The following LARGE1 variants were observed in gnomAD, a reference collection of about 807,000 sequenced individuals.
The protein encoded by LARGE1 is LARGE xylosyl- and glucuronyltransferase 1.
In LARGE1, 43 loss-of-function variants were observed where a neutral mutation model predicts 87.6. The observed-to-expected ratio is 0.49, with a 90% CI of 0.38 to 0.63. LARGE1 has a LOEUF of 0.63. Ranked by LOEUF, LARGE1 falls within the 30% of genes least tolerant of loss-of-function variation. LARGE1 has a pLI of 0.00. For missense variants in LARGE1, 802 were observed against 1,000.2 expected (o/e 0.80, Z 2.67); for synonymous variants, 434 against 394.6 (o/e 1.10, Z -1.18).
intron 3 of LARGE1, among the ~76,000 whole-genome samples, chr22:33,636,265 T>C (rs2080263270): frequency 6.6e-6 from 1 of 152,174 alleles, no homozygotes; most frequent in Non-Finnish European, 1.5e-5. Context: ...AACACCCCAA[T>C]ACTGATCCAT....
At chr22:33,669,700 C>T (rs1215641400) in intron 2 of LARGE1, among the ~76,000 whole-genome samples, 2 of 152,192 alleles carry the variant, frequency 1.3e-5, no homozygotes, top group African/African-American at 4.8e-5. Context: ...CCCAAGCCTC[C>T]ATCACCTCTA....
chr22:33,625,335 G>A (rs1015768763), intron 4 of LARGE1, among the ~76,000 whole-genome samples: 2 of 152,216 alleles, frequency 1.3e-5, no homozygotes, highest in African/African-American at 2.4e-5. Flanking sequence ...AAAGTTCCAT[G>A]AGAAAGCAGA....
Position 33,517,921 on chromosome 22 carries a change from G to A in LARGE1, c.787+46927C>T, listed in dbSNP as rs2071390363. Among the ~76,000 whole-genome samples, 4 of 152,240 alleles carry A rather than the reference G, an allele frequency of 2.6e-5. No individual in the cohort carries two copies. In the South Asian group the frequency reaches 8.3e-4, roughly 32 times the overall value. On this transcript the variant is annotated intron_variant, in intron 6 of 14. Coordinates refer to ENST00000397394, the MANE Select transcript of LARGE1 (RefSeq NM_133642.5). ...TCAGGCTACAAAGTCAGACAGCAGT[G>A]AGCAGGACTGGCCTGAAGATTATAA...
chr22:33,580,138 A>AG (rs752857926), intron 5 of LARGE1, among the ~76,000 whole-genome samples: 2 of 151,968 alleles, frequency 1.3e-5, no homozygotes, highest in African/African-American at 2.4e-5. Context: ...TGGGAGGCCA[A>AG]GGGGGGCAGA....
chr22:33,332,042 G>A (rs1280569376), intron 10 of LARGE1, among the ~76,000 whole-genome samples: 1 of 152,044 alleles, frequency 6.6e-6, no homozygotes, highest in African/African-American at 2.4e-5. Context: ...GTGACTGCAA[G>A]AGCCGAGCTT....
rs527915864 is a variant in LARGE1 at position 33,688,051 on chromosome 22, C to T, written c.107-37383G>A. Among the ~76,000 whole-genome samples, 12 of 152,258 alleles carry T rather than the reference C, an allele frequency of 7.9e-5. No individual in the cohort carries two copies. In the South Asian group the frequency reaches 1.0e-3, roughly 13 times the overall value. On this transcript the variant is annotated intron_variant, in intron 2 of 14. Transcript: ENST00000397394. ...AGGTGATGAAACTCATCCAAGATAA[C>T]GCAGCAAGTAAGTAACAATGTCAGG...
the LARGE1 span, among the ~76,000 whole-genome samples, chr22:33,093,822 C>CTTTT: frequency 4.0e-3 from 326 of 81,504 alleles, no homozygotes; most frequent in Non-Finnish European, 4.8e-3. Context: ...TTCTTTCTTT[C>CTTTT]TTTTTTTTTT....
chr22:33,703,106 T>C (rs914613168), intron 2 of LARGE1, among the ~76,000 whole-genome samples: 7 of 151,836 alleles, frequency 4.6e-5, no homozygotes, highest in African/African-American at 1.7e-4. Context: ...AAACCAAACA[T>C]CGCATGTTCT....
chr22:33,238,158 C>G (rs1163447590), intron 11 of LARGE1, among the ~76,000 whole-genome samples: 1 of 152,020 alleles, frequency 6.6e-6, no homozygotes, highest in Non-Finnish European at 1.5e-5. Context: ...ACAAATATAA[C>G]TTCAATTAAT....
At chr22:33,669,939 A>G (rs2149260634) in intron 2 of LARGE1, among the ~76,000 whole-genome samples, 1 of 152,354 alleles carries the variant, frequency 6.6e-6, no homozygotes, top group South Asian at 2.1e-4. Flanking sequence ...ATTATAATTC[A>G]TGAGGCCTTT....
chr22:33,376,180 G>T (rs2064986794), intron 9 of LARGE1, among the ~76,000 whole-genome samples: 1 of 151,958 alleles, frequency 6.6e-6, no homozygotes, highest in Admixed American at 6.6e-5. Flanking sequence ...TTCCCATATG[G>T]CTATGATTTA....
intron 2 of LARGE1, among the ~76,000 whole-genome samples, chr22:33,728,935 A>G (rs186415221): frequency 4.6e-5 from 7 of 152,244 alleles, no homozygotes; most frequent in Non-Finnish European, 5.9e-5. Context: ...CTTGTCTGAT[A>G]ATGTTTGTAA....
At chr22:33,438,483 A>G (rs1346404416) in intron 6 of LARGE1, among the ~76,000 whole-genome samples, 1 of 152,172 alleles carries the variant, frequency 6.6e-6, no homozygotes, top group Non-Finnish European at 1.5e-5. Flanking sequence ...TTATTCATAC[A>G]TCACTACTAA....
intron 11 of LARGE1, among the ~76,000 whole-genome samples, chr22:33,228,535 C>T (rs1925847884): frequency 6.6e-6 from 1 of 152,234 alleles, no homozygotes; most frequent in Non-Finnish European, 1.5e-5. Context: ...CCTCTAACAA[C>T]TTGGCAGGCT....
the LARGE1 span, among the ~76,000 whole-genome samples, chr22:33,075,424 G>A: frequency 6.6e-6 from 1 of 152,260 alleles, no homozygotes; most frequent in South Asian, 2.1e-4. Context: ...CAGTCACCTG[G>A]GCCTCATTTC....
At chr22:33,580,363 T>C (rs1255409717) in intron 5 of LARGE1, among the ~76,000 whole-genome samples, 1 of 148,290 alleles carries the variant, frequency 6.7e-6, no homozygotes, top group Non-Finnish European at 1.5e-5. Flanking sequence ...AGAATGAAAC[T>C]GTCACAAAAA....
intron 1 of LARGE1, among the ~76,000 whole-genome samples, chr22:33,801,136 G>A (rs1055580155): frequency 7.9e-5 from 12 of 152,106 alleles, no homozygotes; most frequent in Non-Finnish European, 1.3e-4. Flanking sequence ...TCTTGCCGCC[G>A]CCATGTAAGA....
chr22:33,699,240 G>A (rs1282727066), intron 2 of LARGE1, among the ~76,000 whole-genome samples: 1 of 152,186 alleles, frequency 6.6e-6, no homozygotes, highest in Non-Finnish European at 1.5e-5. Context: ...AGCAATCACT[G>A]GAGACCACAC....
the LARGE1 span, among the ~76,000 whole-genome samples, chr22:33,146,412 A>G: frequency 1.3e-5 from 2 of 152,290 alleles, no homozygotes; most frequent in South Asian, 4.1e-4. Flanking sequence ...ATTAGTCTCT[A>G]TTACATTCAG....
Sources: allele counts gnomAD v4.1 joint callset (sites outside exome capture counted in the v4.1 genomes callset), GRCh38; gene constraint gnomAD v4.1.1; transcripts MANE v1.5; gene names NCBI Gene and HGNC (gene_info 2026-07-23, HGNC 2026-07-21).